Variants in TTC27 observed in about 807,000 individuals in gnomAD.
TTC27 encodes tetratricopeptide repeat protein 27.
In TTC27, 79 loss-of-function variants were observed where a neutral mutation model predicts 115.9. That is an observed-to-expected ratio of 0.68 (90% CI 0.57 to 0.82). The LOEUF (loss-of-function observed/expected upper bound fraction) is 0.82, where lower values mean the gene tolerates loss of function less well. Among genes scored for constraint, TTC27 ranks in the 40% least tolerant of loss-of-function variants. The probability of loss-of-function intolerance (pLI) is 0.00; values close to 1 mark genes in which losing one functional copy is unlikely to be tolerated. For synonymous variants in TTC27, 401 were observed against 356.0 expected, an observed-to-expected ratio of 1.13 and a Z score of -1.42; for missense variants, 1,054 against 993.1, an observed-to-expected ratio of 1.06 and a Z score of -0.82.
In TTC27 at chr2:32,782,674, C is replaced by A. The variant is rs111868571; in HGVS notation, c.1828C>A (p.Gln610Lys). Residue 610 changes from glutamine (Q) to lysine (K), a missense_variant, in exon 15 of 20, where the codon CAA (glutamine) becomes AAA (lysine). Coordinates refer to ENST00000317907, the MANE Select transcript of TTC27 (RefSeq NM_017735.5). ...NLSTSYIRLK[Q>K]KVKAFRTLQE... ...GTCAACTTCCTATATCCGATTAAAA[C>A]AAAAGTAAGTACATCAGACAAATAT... The A allele has an allele frequency of 6.2e-7, 1 of 1,610,150 alleles. No individual in the cohort carries two copies. Among genetic ancestry groups the A allele is most frequent in the Admixed American group, 1.7e-5 (1 of 59,762 alleles).
chr2:32,755,070 CGGGCA>C (rs1371801100), intron 12 of TTC27, among the ~76,000 whole-genome samples: 2 of 151,934 alleles, frequency 1.3e-5, no homozygotes, highest in African/African-American at 4.8e-5. Context: ...ACGGGGCGGC[CGGGCA>C]GAGACGCTCC....
intron 12 of TTC27, among the ~76,000 whole-genome samples, chr2:32,749,585 C>A (rs971638138): frequency 6.6e-6 from 1 of 152,128 alleles, no homozygotes; most frequent in African/African-American, 2.4e-5. Flanking sequence ...ACACTTTTGG[C>A]CAGTTTTCTG....
chr2:32,681,964 A>T, intron 9 of TTC27, among the ~76,000 whole-genome samples: 1 of 129,960 alleles, frequency 7.7e-6, no homozygotes, highest in Non-Finnish European at 1.6e-5. Context: ...ATAATTATTT[A>T]TATATATGTA....
At chr2:32,764,022 G>T (rs921697452) in intron 13 of TTC27, among the ~76,000 whole-genome samples, 1 of 152,090 alleles carries the variant, frequency 6.6e-6, no homozygotes, top group Non-Finnish European at 1.5e-5. Flanking sequence ...AAAAACCAAA[G>T]AAATTACTCA....
At chr2:32,727,654 C>G (rs1275263480) in intron 10 of TTC27, among the ~76,000 whole-genome samples, 1 of 152,090 alleles carries the variant, frequency 6.6e-6, no homozygotes, top group African/African-American at 2.4e-5. Flanking sequence ...AGAAGCAGAT[C>G]TGAGGATCTA....
chr2:32,773,221 G>C (rs115508603), intron 13 of TTC27, among the ~76,000 whole-genome samples: 1 of 152,162 alleles, frequency 6.6e-6, no homozygotes, highest in African/African-American at 2.4e-5. Flanking sequence ...GCTGCATACA[G>C]CCAGCTTGCC....
intron 5 of TTC27, among the ~76,000 whole-genome samples, chr2:32,662,932 C>T (rs1388178283): frequency 6.6e-6 from 1 of 152,182 alleles, no homozygotes; most frequent in East Asian, 1.9e-4. Context: ...AAATTTCTCT[C>T]TGAACACTGC....
chr2:32,778,075 T>A (rs187187701), intron 14 of TTC27, 95 bp downstream of exon 14: 1 of 1,203,778 alleles, frequency 8.3e-7, no homozygotes, highest in East Asian at 2.4e-5. Flanking sequence ...TCCTTTTGTG[T>A]TGGAGGAAAG....
At chr2:32,748,461 A>G (rs1668901360) in intron 12 of TTC27, among the ~76,000 whole-genome samples, 1 of 152,154 alleles carries the variant, frequency 6.6e-6, no homozygotes, top group Non-Finnish European at 1.5e-5. Flanking sequence ...TTATAGCATT[A>G]TTCATGTCTA....
intron 4 of TTC27, among the ~76,000 whole-genome samples, chr2:32,649,576 G>A (rs1380765270): frequency 6.7e-6 from 1 of 149,364 alleles, no homozygotes; most frequent in Non-Finnish European, 1.5e-5. Flanking sequence ...ACAGGGTCTC[G>A]CTGTGTTGCC....
rs1237409082 is a variant in TTC27, at chr2:32,648,286, C to G, written c.538-1845C>G. ...GGGATTACAGGCGCATGCCACCACACCTGGCTAATTTTTCGTATTTTTAGT... is the reference window on the plus strand; with the variant it reads ...GGGATTACAGGCGCATGCCACCACAGCTGGCTAATTTTTCGTATTTTTAGT... On this transcript the variant is annotated intron_variant, in intron 4 of 19. Transcript: ENST00000317907. Among the ~76,000 whole-genome samples, 4 of 152,026 alleles carry G rather than the reference C, an allele frequency of 2.6e-5. No homozygotes were observed. The South Asian group carries it at 8.3e-4, about 32-fold the overall frequency.
At chr2:32,714,161 G>A (rs1292610524) in intron 10 of TTC27, among the ~76,000 whole-genome samples, 10 of 132,120 alleles carry the variant, frequency 7.6e-5, no homozygotes, top group Admixed American at 5.8e-4. Flanking sequence ...CCGCCCCCCC[G>A]CCTTTTTTTT....
In TTC27 at chr2:32,641,572, T is replaced by G. The variant is rs566897272; in HGVS notation, c.537+1162T>G. 5.3e-5 allele frequency among the ~76,000 whole-genome samples: 8 copies of G among 152,374 alleles called. No homozygotes were observed. The South Asian group carries it at 1.7e-3, about 32-fold the overall frequency. ...CTGGCTGACCCCTGCTCCATCTGAT[T>G]GTTGCAACCTGGTGTGCTGCAGACC... On this transcript the variant is annotated intron_variant, in intron 4 of 19. Transcript: ENST00000317907.
chr2:32,664,167 C>T, intron 5 of TTC27, 136 bp from the exon 6 acceptor site: 1 of 702,040 alleles, frequency 1.4e-6, no homozygotes, highest in Non-Finnish European at 2.2e-6. Flanking sequence ...TACTGTATTC[C>T]TCAGGTCTTA....
At chr2:32,725,543 GT>G (rs1668080526) in intron 10 of TTC27, among the ~76,000 whole-genome samples, 1 of 152,182 alleles carries the variant, frequency 6.6e-6, no homozygotes, top group Non-Finnish European at 1.5e-5. Context: ...GAAGAGGTGG[GT>G]TCCCATGGTC....
chr2:32,628,169 G>C lies in TTC27; in HGVS notation c.-124G>C. 1 of 851,688 alleles carries C rather than the reference G, an allele frequency of 1.2e-6. No individual in the cohort carries two copies. The highest frequency in any genetic ancestry group is 1.9e-6 in the Non-Finnish European group (1 of 530,060). The allele number at this position is 851,688 out of a possible 1,614,324, so 52.8% of individuals were successfully genotyped here. On this transcript the variant is annotated 5_prime_UTR_variant, in exon 1 of 20. Transcript: ENST00000317907. ...CACATGGAATTCTAGGGCCGCAGGT[G>C]TATTTACGGTAACTGTCGCCACTAG...
intron 16 of TTC27, among the ~76,000 whole-genome samples, chr2:32,792,065 T>G (rs1353279311): frequency 6.6e-6 from 1 of 152,208 alleles, no homozygotes; most frequent in Non-Finnish European, 1.5e-5. Flanking sequence ...CTTTCTGATT[T>G]CCATCTCCAC....
At chr2:32,718,563 A>G (rs188777751) in intron 10 of TTC27, among the ~76,000 whole-genome samples, 6 of 152,250 alleles carry the variant, frequency 3.9e-5, no homozygotes, top group Admixed American at 3.3e-4. Flanking sequence ...CTCAGGTATG[A>G]CCTGTCTTAT....
At chr2:32,693,377 G>A (rs1439922363) in intron 9 of TTC27, among the ~76,000 whole-genome samples, 2 of 152,158 alleles carry the variant, frequency 1.3e-5, no homozygotes, top group Non-Finnish European at 2.9e-5. Flanking sequence ...GAATTTCTCC[G>A]GCTCCACCCT....
Sources: allele counts gnomAD v4.1 joint callset (sites outside exome capture counted in the v4.1 genomes callset), GRCh38; gene constraint gnomAD v4.1.1; transcripts MANE v1.5; gene names NCBI Gene and HGNC (gene_info 2026-07-23, HGNC 2026-07-21).